The following MAML3 variants were observed in gnomAD, a reference collection of about 807,000 sequenced individuals.
MAML3 encodes the protein mastermind like transcriptional coactivator 3.
A neutral mutation model predicts 101.9 loss-of-function variants in MAML3; 27 were observed. The ratio of observed to expected loss-of-function variants is 0.27; its 90% CI spans 0.20 to 0.37. The LOEUF (loss-of-function observed/expected upper bound fraction) is 0.37. MAML3 is among the 10% of genes least tolerant of loss of function. MAML3 has a pLI of 1.00. For missense variants in MAML3, 1,316 were observed against 1,444.9 expected (o/e 0.91, Z 1.45); for synonymous variants, 501 against 555.9 (o/e 0.90, Z 1.39).
rs1728014224 is a variant in MAML3 at position 139,717,245 on chromosome 4, A to G, written c.*2078T>C. On this transcript the variant is annotated 3_prime_UTR_variant, in exon 5 of 5. Coordinates refer to ENST00000509479, the MANE Select transcript of MAML3 (RefSeq NM_018717.5). ...AGCATTTGGAGGAAGCTTTTAAAAG[A>G]TAATGGAGCCCCCCACCCCTGTCTG... is the stretch of plus-strand genomic sequence containing the variant. 6.6e-6 allele frequency: 1 copy of G among 150,756 alleles called. No homozygotes were observed. Among genetic ancestry groups the G allele is most frequent in the African/African-American group, 2.4e-5 (1 of 41,298 alleles). 9.3% of individuals were successfully genotyped at this position (150,756 alleles called of 1,614,324 possible).
chr4:139,980,430 C>A (rs1734424805), intron 1 of MAML3, among the ~76,000 whole-genome samples: 1 of 152,170 alleles, frequency 6.6e-6, no homozygotes, highest in African/African-American at 2.4e-5. Flanking sequence ...GCTAAGACAT[C>A]ATCTCCCTAG....
chr4:139,747,825 G>T (rs573902753), intron 2 of MAML3, among the ~76,000 whole-genome samples: 6 of 151,976 alleles, frequency 3.9e-5, no homozygotes, highest in African/African-American at 1.4e-4. Context: ...AAGCCAAGGT[G>T]GGCGGATCAC....
intron 1 of MAML3, among the ~76,000 whole-genome samples, chr4:139,933,786 C>A (rs776544555): frequency 1.3e-5 from 2 of 152,140 alleles, no homozygotes; most frequent in Admixed American, 6.5e-5. Flanking sequence ...CCCAGAGAAC[C>A]CTTCCGCTTC....
chr4:139,809,272 A>T (rs1730751456), intron 2 of MAML3, among the ~76,000 whole-genome samples: 1 of 152,208 alleles, frequency 6.6e-6, no homozygotes. Context: ...GGGCCACAAG[A>T]GAAGGGAAAC....
chr4:140,064,709 C>T (rs959683985), intron 1 of MAML3, among the ~76,000 whole-genome samples: 8 of 152,198 alleles, frequency 5.3e-5, no homozygotes, highest in Non-Finnish European at 8.8e-5. Context: ...TATTCATCAG[C>T]TCAGTCTGTC....
intron 2 of MAML3, among the ~76,000 whole-genome samples, chr4:139,762,774 T>A (rs1278768521): frequency 2.0e-5 from 3 of 152,136 alleles, no homozygotes. Context: ...TGGTTGAGAA[T>A]AAACTGTTCT....
intron 1 of MAML3, among the ~76,000 whole-genome samples, chr4:140,024,642 C>T (rs1726790522): frequency 6.6e-6 from 1 of 152,046 alleles, no homozygotes; most frequent in Non-Finnish European, 1.5e-5. Context: ...ATTTGTAAAA[C>T]AATAGAACCA....
At chr4:139,861,773 T>C (rs1578635332) in intron 2 of MAML3, among the ~76,000 whole-genome samples, 1 of 152,080 alleles carries the variant, frequency 6.6e-6, no homozygotes, top group Non-Finnish European at 1.5e-5. Flanking sequence ...CCTAGTTACC[T>C]TTTCCAGAAA....
chr4:139,864,930 T>G (rs1233589364), intron 2 of MAML3, among the ~76,000 whole-genome samples: 1,620 of 138,120 alleles, frequency 0.012, 73 homozygotes, highest in Non-Finnish European at 0.017. Flanking sequence ...TTGCTTTTTT[T>G]TTTTTTTTTT....
chr4:139,800,058 A>G (rs946002395), intron 2 of MAML3, among the ~76,000 whole-genome samples: 11 of 152,202 alleles, frequency 7.2e-5, no homozygotes, highest in Admixed American at 7.2e-4. Flanking sequence ...AACACTAAAG[A>G]ATATATAAAT....
chr4:140,015,811 C>A (rs1726632749), intron 1 of MAML3, among the ~76,000 whole-genome samples: 1 of 152,066 alleles, frequency 6.6e-6, no homozygotes, highest in African/African-American at 2.4e-5. Flanking sequence ...AAATTAGCCA[C>A]ATGTGGTGGC....
chr4:139,885,039 G>A (rs1175988666), intron 2 of MAML3, among the ~76,000 whole-genome samples: 1 of 152,176 alleles, frequency 6.6e-6, no homozygotes, highest in East Asian at 1.9e-4. Flanking sequence ...TTAAAAATTG[G>A]AGAACATGTA....
intron 2 of MAML3, among the ~76,000 whole-genome samples, chr4:139,880,099 G>A (rs12648467): frequency 2.0e-5 from 3 of 151,722 alleles, no homozygotes. Flanking sequence ...CTTGAACCCA[G>A]AAGACAGAGG....
At chr4:140,110,377 T>C (rs1728420994) in intron 1 of MAML3, among the ~76,000 whole-genome samples, 1 of 152,214 alleles carries the variant, frequency 6.6e-6, no homozygotes, top group Non-Finnish European at 1.5e-5. Flanking sequence ...ACGAACACTT[T>C]ACCTATCGTC....
chr4:140,008,331 G>A (rs909589832), intron 1 of MAML3, among the ~76,000 whole-genome samples: 10 of 152,030 alleles, frequency 6.6e-5, no homozygotes, highest in African/African-American at 2.4e-4. Flanking sequence ...TGGGCAAGAA[G>A]AGCGAAACTC....
chr4:139,799,829 C>CA (rs1214659291), intron 2 of MAML3, among the ~76,000 whole-genome samples: 4 of 152,282 alleles, frequency 2.6e-5, no homozygotes, highest in East Asian at 3.9e-4. Context: ...CAGTCCTTTA[C>CA]AATTTCATTT....
chr4:140,093,851 C>A (rs1417138204), intron 1 of MAML3, among the ~76,000 whole-genome samples: 1 of 152,170 alleles, frequency 6.6e-6, no homozygotes, highest in Non-Finnish European at 1.5e-5. Context: ...GAGGCAGCAC[C>A]TTGGCTGTAT....
chr4:139,915,747 G>A (rs1271544497), intron 1 of MAML3, among the ~76,000 whole-genome samples: 1 of 152,098 alleles, frequency 6.6e-6, no homozygotes, highest in Non-Finnish European at 1.5e-5. Flanking sequence ...ATATGGAGTG[G>A]GGGTTCACAG....
At chr4:140,036,256 T>C (rs1324685942) in intron 1 of MAML3, among the ~76,000 whole-genome samples, 1 of 152,246 alleles carries the variant, frequency 6.6e-6, no homozygotes, top group Admixed American at 6.5e-5. Context: ...ATGGCCCCTG[T>C]CGTTGCCTGC....
Sources: allele counts gnomAD v4.1 joint callset (sites outside exome capture counted in the v4.1 genomes callset), GRCh38; gene constraint gnomAD v4.1.1; transcripts MANE v1.5; gene names NCBI Gene and HGNC (gene_info 2026-07-23, HGNC 2026-07-21).